PID1: variants seen among roughly 807,000 people sequenced by gnomAD.
PID1 encodes the protein PTB-containing, cubilin and LRP1-interacting protein.
A neutral mutation model predicts 19.1 loss-of-function variants in PID1; 10 were observed. The observed-to-expected ratio is 0.52, with a 90% CI of 0.32 to 0.89. The LOEUF is 0.89. Ranked by LOEUF, PID1 falls within the 40% of genes least tolerant of loss-of-function variation. The pLI, the probability that PID1 is intolerant of heterozygous loss-of-function variation, is 0.03. For missense variants in PID1, 248 were observed against 285.3 expected (o/e 0.87, Z 0.94); for synonymous variants, 130 against 116.0 (o/e 1.12, Z -0.78).
chr2:229,237,293 G>A (rs1484806933), intron 1 of PID1, among the ~76,000 whole-genome samples: 1 of 152,162 alleles, frequency 6.6e-6, no homozygotes, highest in Non-Finnish European at 1.5e-5. Context: ...GAACGAGGCA[G>A]TCAACACATA....
intron 2 of PID1, among the ~76,000 whole-genome samples, chr2:229,145,442 C>G (rs546017097): frequency 1.1e-3 from 168 of 151,698 alleles, no homozygotes; most frequent in Non-Finnish European, 2.0e-3. Context: ...AAAACCAACC[C>G]AGAAAAATAT....
chr2:229,095,302 T>G (rs1694952831), intron 2 of PID1, among the ~76,000 whole-genome samples: 1 of 152,176 alleles, frequency 6.6e-6, no homozygotes, highest in South Asian at 2.1e-4. Context: ...AATGAGACTT[T>G]CAATTCTCTA....
chr2:229,190,576 G>A (rs557963629), intron 1 of PID1, among the ~76,000 whole-genome samples: 18 of 152,344 alleles, frequency 1.2e-4, no homozygotes, highest in African/African-American at 4.3e-4. Flanking sequence ...GAAGAGTCCA[G>A]GGCAGGGGGC....
In PID1 at chr2:229,231,960, C is replaced by G. The variant is rs540348737; in HGVS notation, c.30+39054G>C. On this transcript the variant is annotated intron_variant, in intron 1 of 2. Transcript: ENST00000392055. ...GGCTAGGAAGATCATGATCAAGGTG[C>G]GGGCTTGTTTGATTGTCTTGTGAGA... 3.3e-3 allele frequency: 5,139 copies of G among 1,550,402 alleles called. 22 individuals carry two copies. Among genetic ancestry groups the G allele is most frequent in the Middle Eastern group, 6.5e-3 (39 of 5,990 alleles).
At chr2:229,210,525 C>CAAAA (rs1170895327) in intron 1 of PID1, among the ~76,000 whole-genome samples, 1,549 of 15,490 alleles carry the variant, frequency 0.1, 187 homozygotes, top group Admixed American at 0.16. Context: ...AGTTTTGTCT[C>CAAAA]AAAAAAAAAA....
chr2:229,197,799 A>C (rs1691409084), intron 1 of PID1, among the ~76,000 whole-genome samples: 1 of 151,984 alleles, frequency 6.6e-6, no homozygotes, highest in East Asian at 1.9e-4. Flanking sequence ...ATGTTTTTAA[A>C]TTCTTCAAGC....
At chr2:229,221,759 T>C (rs1691974388) in intron 1 of PID1, among the ~76,000 whole-genome samples, 1 of 152,224 alleles carries the variant, frequency 6.6e-6, no homozygotes, top group South Asian at 2.1e-4. Context: ...TGCCTCTTGA[T>C]GACCTGACTC....
At chr2:229,264,584 G>A (rs893678322) in intron 1 of PID1, among the ~76,000 whole-genome samples, 4 of 152,108 alleles carry the variant, frequency 2.6e-5, no homozygotes, top group African/African-American at 4.8e-5. Flanking sequence ...TCTGTGCGTC[G>A]CACTTTCCTA....
intron 1 of PID1, among the ~76,000 whole-genome samples, chr2:229,203,055 T>A (rs1691531888): frequency 1.3e-5 from 2 of 152,128 alleles, no homozygotes; most frequent in African/African-American, 4.8e-5. Context: ...GCCAATTCAG[T>A]ATCAGAGTCC....
intron 2 of PID1, among the ~76,000 whole-genome samples, chr2:229,082,401 T>C (rs545749192): frequency 6.6e-6 from 1 of 152,344 alleles, no homozygotes; most frequent in East Asian, 1.9e-4. Flanking sequence ...CTCCAGTGAT[T>C]ATGTTATATC....
intron 1 of PID1, among the ~76,000 whole-genome samples, chr2:229,244,251 C>T (rs1256483279): frequency 6.6e-6 from 1 of 152,082 alleles, no homozygotes; most frequent in Non-Finnish European, 1.5e-5. Flanking sequence ...CAAAAGAACC[C>T]CATACCCAGT....
At position 229,164,128 on chromosome 2, in the gene PID1, C is replaced by T. The variant is rs144151394; in HGVS notation, c.31-8164G>A. On this transcript the variant is annotated intron_variant, in intron 1 of 2. Coordinates refer to ENST00000392055, the MANE Select transcript of PID1 (RefSeq NM_001100818.2). ...ACTGGCCATGGTCTCTGCCTGCCCT[C>T]CTGCCAACTTTCTCGTTTATACTAA... Among the ~76,000 whole-genome samples the T allele has an allele frequency of 6.6e-3, 1,004 of 152,280 alleles. 7 individuals are homozygous for T. The highest frequency in any genetic ancestry group is 7.7e-3 in the Non-Finnish European group (521 of 68,038).
chr2:229,041,968 G>A (rs947022812), intron 2 of PID1, among the ~76,000 whole-genome samples: 5 of 152,154 alleles, frequency 3.3e-5, no homozygotes, highest in African/African-American at 1.2e-4. Flanking sequence ...TTGATATAAA[G>A]TACAATAGTT....
At chr2:229,046,385 T>C (rs10460434) in intron 2 of PID1, among the ~76,000 whole-genome samples, 160 of 141,838 alleles carry the variant, frequency 1.1e-3, no homozygotes, top group African/African-American at 4.2e-3. Context: ...TGTGTGCGTG[T>C]GTGTGTGTGT....
At chr2:229,057,382 G>C (rs772042827) in intron 2 of PID1, among the ~76,000 whole-genome samples, 1 of 151,684 alleles carries the variant, frequency 6.6e-6, no homozygotes, top group Non-Finnish European at 1.5e-5. Flanking sequence ...CTTGAATCCA[G>C]GAGGCGGAGG....
chr2:229,237,696 A>C (rs1453025673), intron 1 of PID1, among the ~76,000 whole-genome samples: 5 of 152,116 alleles, frequency 3.3e-5, no homozygotes, highest in African/African-American at 1.2e-4. Context: ...ATTGGAGTAA[A>C]AGTGACATTT....
chr2:229,142,133 C>A (rs377459913), intron 2 of PID1, among the ~76,000 whole-genome samples: 1 of 152,118 alleles, frequency 6.6e-6, no homozygotes, highest in Non-Finnish European at 1.5e-5. Flanking sequence ...TTGACCTCTA[C>A]ATTCAAACCT....
intron 2 of PID1, among the ~76,000 whole-genome samples, chr2:229,154,500 A>G (rs1179140314): frequency 6.6e-6 from 1 of 152,196 alleles, no homozygotes; most frequent in Admixed American, 6.5e-5. Context: ...AATCCCACAA[A>G]GATGCTGGTG....
At chr2:229,235,235 A>G (rs1218235582) in intron 1 of PID1, among the ~76,000 whole-genome samples, 1 of 152,192 alleles carries the variant, frequency 6.6e-6, no homozygotes, top group African/African-American at 2.4e-5. Flanking sequence ...CCACTGGAGA[A>G]AAGGAAAAGT....
Sources: allele counts gnomAD v4.1 joint callset (sites outside exome capture counted in the v4.1 genomes callset), GRCh38; gene constraint gnomAD v4.1.1; transcripts MANE v1.5; gene names NCBI Gene and HGNC (gene_info 2026-07-23, HGNC 2026-07-21).